The following PAX7 variants were observed in gnomAD, a reference collection of about 807,000 sequenced individuals.
PAX7 encodes the protein paired box 7.
In PAX7, 18 loss-of-function variants were observed where a neutral mutation model predicts 50.7. The observed-to-expected ratio is 0.36, with a 90% CI of 0.25 to 0.53. The LOEUF is 0.53. PAX7 is among the 20% of genes least tolerant of loss of function. The probability of loss-of-function intolerance (pLI) is 0.93; values close to 1 mark genes in which losing one functional copy is unlikely to be tolerated. For synonymous variants in PAX7, 310 were observed against 290.4 expected, an observed-to-expected ratio of 1.07 and a Z score of -0.69; for missense variants, 644 against 702.9, an observed-to-expected ratio of 0.92 and a Z score of 0.95.
At chr1:18,682,920 C>G (rs2088919930) in intron 4 of PAX7, among the ~76,000 whole-genome samples, 1 of 152,174 alleles carries the variant, frequency 6.6e-6, no homozygotes, top group South Asian at 2.1e-4. Context: ...CACTCAATCC[C>G]CTTCTCCACC....
At chr1:18,643,757 T>A (rs1453713741) in intron 4 of PAX7, among the ~76,000 whole-genome samples, 1 of 152,172 alleles carries the variant, frequency 6.6e-6, no homozygotes, top group Non-Finnish European at 1.5e-5. Context: ...AGGCAGTTCA[T>A]CATATTACAG....
intron 4 of PAX7, among the ~76,000 whole-genome samples, chr1:18,673,940 G>C (rs2100246084): frequency 6.6e-6 from 1 of 152,378 alleles, no homozygotes; most frequent in East Asian, 1.9e-4. Flanking sequence ...CTGTTCAGCT[G>C]GCTAGCTGGG....
At chr1:18,701,874 G>A (rs1020734212) in intron 6 of PAX7, among the ~76,000 whole-genome samples, 1 of 152,278 alleles carries the variant, frequency 6.6e-6, no homozygotes, top group Non-Finnish European at 1.5e-5. Flanking sequence ...AGAGGATAGG[G>A]GATCAGGGGG....
At chr1:18,739,276 C>T (rs80229926) in intron 8 of PAX7, among the ~76,000 whole-genome samples, 2,561 of 152,362 alleles carry the variant, frequency 0.017, 39 homozygotes, top group Non-Finnish European at 0.026. Context: ...TTGTGGAGGC[C>T]ACTGAGCAGC....
At chr1:18,655,982 G>T (rs866425163) in intron 4 of PAX7, among the ~76,000 whole-genome samples, 1 of 152,090 alleles carries the variant, frequency 6.6e-6, no homozygotes. Context: ...AGCTGGAATC[G>T]GCCTTTACCC....
rs771729343 is a variant in PAX7 at position 18,634,469 on chromosome 1, C to A, written c.252C>A (p.Ser84=). ...RQLRVSHGCV[S]KILCRYQETG... is the part of the protein sequence containing the mutation. Reference sequence around the variant, plus strand: ...TGCGTGTCTCCCACGGCTGCGTCTCCAAGATTCTTTGCCGCTACCAGGAGA... The same window carrying A: ...TGCGTGTCTCCCACGGCTGCGTCTCAAAGATTCTTTGCCGCTACCAGGAGA... Residue 84 remains serine, a synonymous_variant, in exon 2 of 9, where the codon TCC becomes TCA. Transcript: ENST00000420770. This position sits in a 1 kb window ranked among gnomAD's most constrained non-coding sequence, Gnocchi z 4.0. 17 of 1,614,046 alleles carry A rather than the reference C, an allele frequency of 1.1e-5. No homozygotes were observed. In the Admixed American group the frequency reaches 2.7e-4, roughly 25 times the overall value.
At chr1:18,724,672 T>A (rs530241744) in intron 7 of PAX7, among the ~76,000 whole-genome samples, 4 of 152,240 alleles carry the variant, frequency 2.6e-5, no homozygotes, top group Non-Finnish European at 5.9e-5. Flanking sequence ...TTTACAACTT[T>A]TGAGTTCAAA....
rs926874303 is a variant in PAX7 at position 18,709,324 on chromosome 1, G to A, written c.1155+6028G>A. On this transcript the variant is annotated intron_variant, in intron 7 of 8. Transcript: ENST00000420770. The stretch of plus-strand genomic sequence containing the variant: ...TCTTTTGTAATGTCCCATACTCATC[G>A]TCTCCTTTGTTCCTTTCTGGAGCTT... 3.2e-4 allele frequency among the ~76,000 whole-genome samples: 48 copies of A among 152,278 alleles called. No individual in the cohort carries two copies. In the Middle Eastern group the frequency reaches 0.01, roughly 32 times the overall value.
intron 4 of PAX7, among the ~76,000 whole-genome samples, chr1:18,680,170 G>A (rs2100265004): frequency 6.6e-6 from 1 of 152,260 alleles, no homozygotes; most frequent in East Asian, 1.9e-4. Flanking sequence ...ACCTCTGTCT[G>A]TGTATTTCTC....
chr1:18,658,679 G>T (rs558689881), intron 4 of PAX7, among the ~76,000 whole-genome samples: 150 of 152,326 alleles, frequency 9.8e-4, no homozygotes, highest in African/African-American at 3.5e-3. Context: ...GCAGGCTTCT[G>T]CCCGGCTGAC....
At chr1:18,716,507 T>G (rs77822316) in intron 7 of PAX7, among the ~76,000 whole-genome samples, 18,415 of 149,634 alleles carry the variant, frequency 0.12, 1,475 homozygotes, top group East Asian at 0.38. Context: ...GTTTTTTGTT[T>G]TTTGTTTTTT....
At position 18,726,207 on chromosome 1, in the gene PAX7, A is replaced by T. The variant is rs972068881; in HGVS notation, c.1156-9425A>T. Among the ~76,000 whole-genome samples the T allele has an allele frequency of 6.8e-6, 1 of 147,304 alleles. No homozygotes were observed. On this transcript the variant is annotated intron_variant, in intron 7 of 8. Coordinates refer to ENST00000420770, the MANE Select transcript of PAX7 (RefSeq NM_001135254.2). The surrounding 1 kb of genome is among the most constrained non-coding windows in gnomAD (Gnocchi z 4.8). ...TTGACTTCTTGGACAATGAGTGGAA[A>T]GCCATTCTGTTCCTCCCTCCACCCC...
intron 4 of PAX7, among the ~76,000 whole-genome samples, chr1:18,688,580 C>A (rs1217301953): frequency 5.9e-5 from 9 of 152,212 alleles, no homozygotes; most frequent in Admixed American, 2.0e-4. Context: ...CAGCACTGCT[C>A]TAGAACTGAA....
At chr1:18,661,915 C>T (rs2088606061) in intron 4 of PAX7, among the ~76,000 whole-genome samples, 1 of 152,296 alleles carries the variant, frequency 6.6e-6, no homozygotes, top group Admixed American at 6.5e-5. Context: ...GCACAGGAAG[C>T]TTTATTGGTT....
intron 8 of PAX7, among the ~76,000 whole-genome samples, chr1:18,738,339 G>A (rs1033621269): frequency 6.6e-6 from 1 of 152,140 alleles, no homozygotes; most frequent in East Asian, 1.9e-4. Context: ...CGGCAGCCCC[G>A]GCCTGGGGCA....
In PAX7 at chr1:18,726,974, G is replaced by C. The variant is rs2089579595; in HGVS notation, c.1156-8658G>C. Among the ~76,000 whole-genome samples, 1 of 152,210 alleles carries C rather than the reference G, an allele frequency of 6.6e-6. No individual in the cohort carries two copies. Among genetic ancestry groups the C allele is most frequent in the Non-Finnish European group, 1.5e-5 (1 of 68,042 alleles). On this transcript the variant is annotated intron_variant, in intron 7 of 8. Transcript: ENST00000420770. This position sits in a 1 kb window ranked among gnomAD's most constrained non-coding sequence, Gnocchi z 4.8. ...CCCCGAGCTTCAGCCTGTACTCTGG[G>C]TTGGGGCACACAGGATCTGTGCCCT...
intron 4 of PAX7, among the ~76,000 whole-genome samples, chr1:18,683,961 G>A (rs2088935725): frequency 6.6e-6 from 1 of 152,230 alleles, no homozygotes; most frequent in Non-Finnish European, 1.5e-5. Context: ...GGAGGGTCGA[G>A]GGTTTCTCTG....
intron 7 of PAX7, among the ~76,000 whole-genome samples, chr1:18,720,314 G>A (rs182011547): frequency 9.2e-5 from 14 of 152,336 alleles, no homozygotes; most frequent in African/African-American, 3.4e-4. Context: ...GGGCCTGGGA[G>A]GGAACCCCAA....
intron 4 of PAX7, among the ~76,000 whole-genome samples, chr1:18,670,107 C>T (rs1277351508): frequency 6.8e-6 from 1 of 146,884 alleles, no homozygotes; most frequent in Admixed American, 6.8e-5. Context: ...AAAAAAGAGC[C>T]CTTAACAGCT....
Sources: gnomAD v4.1 joint callset for allele counts (sites outside exome capture counted in the v4.1 genomes callset) on GRCh38, gnomAD v4.1.1 for gene constraint, Gnocchi (gnomAD v3.1) non-coding constraint, MANE v1.5 for transcripts, NCBI Gene and HGNC (gene_info 2026-07-23, HGNC 2026-07-21) for gene names.